PTPN18: variants seen among roughly 807,000 people sequenced by gnomAD.
The protein encoded by PTPN18 is tyrosine-protein phosphatase non-receptor type 18.
PTPN18 carries 65 observed loss-of-function variants against 65.4 expected under a neutral mutation model. The observed-to-expected ratio is 0.99, with a 90% confidence interval of 0.81 to 1.22. PTPN18 has a LOEUF of 1.22. Among genes scored for constraint, PTPN18 ranks in the 50% most tolerant of loss-of-function variants. The probability of loss-of-function intolerance (pLI) is 0.00; values close to 1 mark genes in which losing one functional copy is unlikely to be tolerated. For missense variants in PTPN18, 616 were observed against 646.5 expected, an observed-to-expected ratio of 0.95 and a Z score of 0.51; for synonymous variants, 255 against 267.8, an observed-to-expected ratio of 0.95 and a Z score of 0.47.
At chr2:130,371,537 C>T (rs897189497) in intron 12 of PTPN18, among the ~76,000 whole-genome samples, 7 of 152,152 alleles carry the variant, frequency 4.6e-5, no homozygotes, top group African/African-American at 1.7e-4. Context: ...CTAATCAAAC[C>T]TTAATTCAGG....
chr2:130,359,254 T>G lies in PTPN18; in HGVS notation c.224T>G (p.Leu75Arg), dbSNP rs755387522. 5 of 1,613,926 alleles carry G rather than the reference T, an allele frequency of 3.1e-6. No homozygotes were observed. Among genetic ancestry groups the G allele is most frequent in the South Asian group, 1.1e-5 (1 of 91,090 alleles). The change falls in exon 3 of 15, where the codon CTC becomes CGC. Residue 75 changes from leucine (L) to arginine (R), a missense_variant. Leu to Arg is a moderately radical substitution (Grantham distance 102). This residue lies in a region of PTPN18 where 223 missense variants were observed against 210.0 expected (regional missense o/e 1.06). Coordinates refer to ENST00000175756, the MANE Select transcript of PTPN18 (RefSeq NM_014369.4). Reference protein sequence around the residue: ...VLPYDQTRVILSLLQEEGHSD... With the variant: ...VLPYDQTRVIRSLLQEEGHSD... The stretch of plus-strand genomic sequence containing the variant: ...ACAGATGATCAGACGCGAGTAATCC[T>G]CTCCCTGCTCCAGGAAGAGGGACAC...
chr2:130,369,735 C>A, intron 6 of PTPN18, 30 bp from the exon 7 acceptor site: 1 of 1,534,980 alleles, frequency 6.5e-7, no homozygotes. Flanking sequence ...TCTCCTCCCT[C>A]TTCTTACTTG....
In PTPN18 at chr2:130,372,327, G is replaced by A. The variant is rs1344202143; in HGVS notation, c.1084G>A (p.Ala362Thr). 7 of 1,441,834 alleles carry A rather than the reference G, an allele frequency of 4.9e-6. No individual in the cohort carries two copies. The African/African-American group carries it at 6.0e-5, about 12-fold the overall frequency. 89.3% of individuals were successfully genotyped at this position (1,441,834 alleles called of 1,614,324 possible). ...CTACGCGGTGGTGCAGAAGCGCGGGGCTCCAGCGGGCGCCGGGAGTGGGAC... is the reference window on the plus strand; with the variant it reads ...CTACGCGGTGGTGCAGAAGCGCGGGACTCCAGCGGGCGCCGGGAGTGGGAC... ...DTYAVVQKRG[A>T]PAGAGSGTQT... is the part of the protein sequence containing the mutation. Residue 362 changes from alanine (A) to threonine (T), a missense_variant, in exon 13 of 15, where the codon GCT (alanine) becomes ACT (threonine). Physicochemically the swap from Ala to Thr is moderately conservative, Grantham distance 58. This residue lies in a region of PTPN18 where 368 missense variants were observed against 386.7 expected (regional missense o/e 0.95). Transcript: ENST00000175756.
In PTPN18 at chr2:130,370,012, T is replaced by C. The variant is rs759462619; in HGVS notation, c.547-36T>C. 13 of 1,607,328 alleles carry C rather than the reference T, an allele frequency of 8.1e-6. No homozygotes were observed. The Admixed American group carries it at 1.2e-4, about 15-fold the overall frequency. ...CCAATTAATGCTTTTTTCTTTTTTT[T>C]CCTAAGTCTTTTGCTCATCTTTTTC... On this transcript the variant is annotated intron_variant, in intron 7 of 14. Coordinates refer to ENST00000175756, the MANE Select transcript of PTPN18 (RefSeq NM_014369.4).
chr2:130,363,784 A>G (rs940102792), intron 5 of PTPN18, among the ~76,000 whole-genome samples: 1 of 147,206 alleles, frequency 6.8e-6, no homozygotes, highest in Non-Finnish European at 1.5e-5. Flanking sequence ...GTGGGTTTTC[A>G]TGTCTCTTGG....
chr2:130,359,167 G>T, intron 2 of PTPN18, 66 bp from the exon 3 acceptor site: 1 of 1,583,644 alleles, frequency 6.3e-7, no homozygotes, highest in East Asian at 2.2e-5. Flanking sequence ...TCAGCTAGGG[G>T]GCTGTCAGAG....
rs377443032 is a variant in PTPN18, at chr2:130,359,014, C to T, written c.202+39C>T. The stretch of plus-strand genomic sequence containing the variant: ...TCCGTAGGGAGTCGGTGCAGCCTTG[C>T]ACGCCCTGCCACGTCCAGGCGTCAG... On this transcript the variant is annotated intron_variant, in intron 2 of 14. Transcript: ENST00000175756. 355 of 1,590,550 alleles carry T rather than the reference C, an allele frequency of 2.2e-4. No homozygotes were observed. The African/African-American group carries it at 4.2e-3, about 19-fold the overall frequency.
chr2:130,363,945 C>CT (rs758206585), intron 5 of PTPN18, among the ~76,000 whole-genome samples: 4,596 of 139,388 alleles, frequency 0.033, 195 homozygotes, highest in African/African-American at 0.1. Flanking sequence ...TTGTTACTGT[C>CT]TTTTTTTTTT....
rs762897388 is a variant in PTPN18, at chr2:130,371,267, C to T, written c.993C>T (p.Arg331=). 11 of 1,605,906 alleles carry T rather than the reference C, an allele frequency of 6.8e-6. No homozygotes were observed. In the East Asian group the frequency reaches 2.2e-4, roughly 33 times the overall value. Residue 331 remains arginine (R), a synonymous_variant, in exon 12 of 15, where the codon CGC becomes CGT. Coordinates refer to ENST00000175756, the MANE Select transcript of PTPN18 (RefSeq NM_014369.4). Reference sequence around the variant, plus strand: ...CCCAGGCACTTCTCGCCATACCCCGCCCACCAGGAGGGGTCCTCAGGTACC... The same window carrying T: ...CCCAGGCACTTCTCGCCATACCCCGTCCACCAGGAGGGGTCCTCAGGTACC... The part of the protein sequence containing the change: ...RTPQALLAIP[R]PPGGVLRSIS...
chr2:130,359,161 C>CT, intron 2 of PTPN18, 72 bp from the exon 3 acceptor site: 11 of 1,572,286 alleles, frequency 7.0e-6, no homozygotes, highest in Non-Finnish European at 9.6e-6. Context: ...TGGCTTTCAG[C>CT]TAGGGGGCTG....
intron 5 of PTPN18, among the ~76,000 whole-genome samples, chr2:130,365,063 G>A (rs544990089): frequency 1.3e-5 from 2 of 152,202 alleles, no homozygotes; most frequent in Non-Finnish European, 2.9e-5. Flanking sequence ...ACATCATAGA[G>A]TATACTTACA....
In PTPN18 at chr2:130,374,335, AT is replaced by A. The variant is rs58598309; in HGVS notation, c.*1125del. ...CCGAGTAGCTGGGACTACAGGTCTA[AT>A]TTTTTTTTTTTTTAAGAAATGAGTT... is the stretch of plus-strand genomic sequence containing the variant. On this transcript the variant is annotated 3_prime_UTR_variant, in exon 15 of 15. Coordinates refer to ENST00000175756, the MANE Select transcript of PTPN18 (RefSeq NM_014369.4). The A allele has an allele frequency of 0.051, 10,542 of 208,078 alleles. 1 individual carries two copies. The highest frequency in any genetic ancestry group is 0.11 in the South Asian group (1,602 of 15,128). 12.9% of individuals were successfully genotyped at this position (208,078 alleles called of 1,614,324 possible).
chr2:130,372,282 G>A lies in PTPN18; in HGVS notation c.1039G>A (p.Gly347Ser). 6.4e-7 allele frequency: 1 copy of A among 1,566,444 alleles called. No individual in the cohort carries two copies. The highest frequency in any genetic ancestry group is 8.6e-7 in the Non-Finnish European group (1 of 1,165,514). The change falls in exon 13 of 15, where the codon GGC (glycine) becomes AGC (serine). Residue 347 changes from glycine (G) to serine (S), a missense_variant. Physicochemically the swap from Gly to Ser is moderately conservative, Grantham distance 56. Around this residue, in one of 3 missense-constraint regions of PTPN18, gnomAD observed 368 missense variants for 386.7 expected, o/e 0.95. Transcript: ENST00000175756. ...LRSISVPGSP[G>S]HAMADTYAVV... ...GAGCATCTCTGTGCCCGGGTCCCCG[G>A]GCCACGCCATGGCTGACACCTACGC...
chr2:130,356,188 C>T lies in PTPN18; in HGVS notation c.81C>T (p.Ala27=), dbSNP rs779874255. The T allele has an allele frequency of 2.3e-6, 3 of 1,315,640 alleles. No individual in the cohort carries two copies. Among genetic ancestry groups the T allele is most frequent in the East Asian group, 6.3e-5 (2 of 31,850 alleles). 81.5% of individuals were successfully genotyped at this position (1,315,640 alleles called of 1,614,324 possible). A position where few individuals can be genotyped will look rare whatever the true frequency, so the allele number is the denominator to read the frequency against. ...GCGGCCGGGAGGGGGCAGTCCTCGC[C>T]GGCGAGTTCAGCGTGAGTGGCACAC... ...ARGGREGAVL[A]GEFSDIQACS... Residue 27 remains alanine (A), a synonymous_variant, in exon 1 of 15, where the codon GCC becomes GCT. Transcript: ENST00000175756.
chr2:130,374,623 C>T lies in PTPN18; in HGVS notation c.*1399C>T, dbSNP rs115075182. ...TGCAAAATGGAAAAAGTATAAGATG[C>T]TCTTTCCCTGAACCTCAAGGGTCCC... On this transcript the variant is annotated 3_prime_UTR_variant, in exon 15 of 15. Coordinates refer to ENST00000175756, the MANE Select transcript of PTPN18 (RefSeq NM_014369.4). 15 of 471,344 alleles carry T rather than the reference C, an allele frequency of 3.2e-5. No homozygotes were observed. Among genetic ancestry groups the T allele is most frequent in the Non-Finnish European group, 6.6e-5 (15 of 227,094 alleles). 29.2% of individuals were successfully genotyped at this position (471,344 alleles called of 1,614,324 possible).
At chr2:130,368,369 G>T (rs537777052) in intron 5 of PTPN18, among the ~76,000 whole-genome samples, 105 of 152,320 alleles carry the variant, frequency 6.9e-4, no homozygotes, top group Middle Eastern at 3.4e-3. Context: ...TTGGATGGTT[G>T]ATCAAGTAGC....
intron 5 of PTPN18, chr2:130,360,033 C>T (rs2104927814): frequency 4.5e-6 from 1 of 220,448 alleles, no homozygotes; most frequent in Admixed American, 5.1e-5. Context: ...TTCCTTCAGC[C>T]TAGGACATCC....
intron 5 of PTPN18, among the ~76,000 whole-genome samples, chr2:130,361,542 C>G (rs1043547159): frequency 7.1e-6 from 1 of 141,182 alleles, no homozygotes; most frequent in Non-Finnish European, 1.5e-5. Context: ...TTCTTTCTTT[C>G]TTTCTTTCTT....
rs755849530 is a variant in PTPN18, at chr2:130,373,193, G to A, written c.1352G>A (p.Arg451Gln). 8 of 1,602,222 alleles carry A rather than the reference G, an allele frequency of 5.0e-6. 1 individual carries two copies. Among genetic ancestry groups the A allele is most frequent in the Non-Finnish European group, 4.3e-6 (5 of 1,174,600 alleles). Reference sequence around the variant, plus strand: ...CGCATTGGGAGGCCGAAGGGTCCCCGGGACCCGCCTGCTGAGTGGACCCGG... The same window carrying A: ...CGCATTGGGAGGCCGAAGGGTCCCCAGGACCCGCCTGCTGAGTGGACCCGG... ...NLRIGRPKGP[R>Q]DPPAEWTRV The change falls in exon 15 of 15, where the codon CGG (arginine) becomes CAG (glutamine). Residue 451 changes from arginine to glutamine, a missense_variant. Around this residue, in one of 3 missense-constraint regions of PTPN18, gnomAD observed 368 missense variants for 386.7 expected, o/e 0.95. Transcript: ENST00000175756. The surrounding 1 kb of genome is among the most constrained non-coding windows in gnomAD (Gnocchi z 4.1).
Sources: allele counts gnomAD v4.1 joint callset (sites outside exome capture counted in the v4.1 genomes callset), GRCh38; gene constraint gnomAD v4.1.1; regional missense constraint gnomAD v4.1.1; non-coding constraint Gnocchi (gnomAD v3.1); transcripts MANE v1.5; gene names NCBI Gene and HGNC (gene_info 2026-07-23, HGNC 2026-07-21).